The following WNK1 variants were observed in gnomAD, a reference collection of about 807,000 sequenced individuals.
WNK1 encodes the protein serine/threonine-protein kinase WNK1.
In WNK1, 38 loss-of-function variants were observed where a neutral mutation model predicts 222.8. The observed-to-expected ratio is 0.17, with a 90% confidence interval of 0.13 to 0.22. WNK1 has a LOEUF of 0.22. WNK1 is among the 10% of genes least tolerant of loss of function. The probability of loss-of-function intolerance (pLI) is 1.00; values close to 1 mark genes in which losing one functional copy is unlikely to be tolerated. For synonymous variants in WNK1, 1,090 were observed against 1,092.9 expected (o/e 1.00, Z 0.05); for missense variants, 2,348 against 2,918.4 (o/e 0.80, Z 4.50).
intron 8 of WNK1, chr12:868,410 G>A: frequency 6.2e-7 from 1 of 1,613,950 alleles, no homozygotes; most frequent in Non-Finnish European, 8.5e-7. Context: ...CCTACTTCAA[G>A]TTCTGTCTTT....
At chr12:864,109 A>ATTTTTTTTTTTTTTTT (rs1251500483) in intron 8 of WNK1, among the ~76,000 whole-genome samples, 1 of 131,086 alleles carries the variant, frequency 7.6e-6, no homozygotes, top group African/African-American at 3.1e-5. Context: ...CATTTTTTTA[A>ATTTTTTTTTTTTTTTT]GTTTTTTTTT....
chr12:861,011 A>T lies in WNK1; in HGVS notation c.1621-2A>T. ...TGCTTAATTTACCCTTTTATTCTGT[A>T]GGTAGAGTCTGGGTATGTCTGTGAA... On this transcript the variant is annotated splice_acceptor_variant, in intron 6 of 27. Coordinates refer to ENST00000315939, the MANE Select transcript of WNK1 (RefSeq NM_018979.4). LOFTEE classifies it high-confidence loss of function. The T allele has an allele frequency of 6.2e-7, 1 of 1,611,916 alleles. No homozygotes were observed. The highest frequency in any genetic ancestry group is 8.5e-7 in the Non-Finnish European group (1 of 1,179,508).
chr12:756,459 A>G (rs1454354399), intron 1 of WNK1, among the ~76,000 whole-genome samples: 1 of 152,224 alleles, frequency 6.6e-6, no homozygotes, highest in Non-Finnish European at 1.5e-5. Flanking sequence ...TTACCAAACT[A>G]AAGAAAATCT....
At chr12:796,802 C>G (rs1210084643) in intron 1 of WNK1, among the ~76,000 whole-genome samples, 5 of 152,126 alleles carry the variant, frequency 3.3e-5, no homozygotes, top group Non-Finnish European at 7.4e-5. Flanking sequence ...TCATCTGTAC[C>G]AATATATCAA....
At chr12:906,862 C>G (rs1955742207) in intron 26 of WNK1, 2 of 593,948 alleles carry the variant, frequency 3.4e-6, no homozygotes, top group Non-Finnish European at 4.2e-6. Context: ...TATGGAGATT[C>G]TGTCTATATA....
intron 1 of WNK1, among the ~76,000 whole-genome samples, chr12:801,665 C>T (rs1413614802): frequency 6.6e-6 from 1 of 151,750 alleles, no homozygotes; most frequent in Non-Finnish European, 1.5e-5. Context: ...GCCTCGGCCT[C>T]CCAAAGTGCT....
chr12:899,857 G>GT (rs969009205), intron 25 of WNK1, among the ~76,000 whole-genome samples: 53 of 123,280 alleles, frequency 4.3e-4, no homozygotes, highest in Non-Finnish European at 1.5e-4. Context: ...TTCTAATAGG[G>GT]TAAAAAAAAA....
At position 900,705 on chromosome 12, in the gene WNK1, A is replaced by G. The variant is rs767846697; in HGVS notation, c.6643+35A>G. 5.6e-6 allele frequency: 9 copies of G among 1,612,862 alleles called. No individual in the cohort carries two copies. In the East Asian group the frequency reaches 1.8e-4, roughly 32 times the overall value. On this transcript the variant is annotated intron_variant, in intron 26 of 27. Transcript: ENST00000315939. Reference sequence around the variant, plus strand: ...CAACCATCATCGTCCAAAAACAATAAAATGGAGATGTTGCCATACCTGGGA... The same window carrying G: ...CAACCATCATCGTCCAAAAACAATAGAATGGAGATGTTGCCATACCTGGGA...
At chr12:851,496 C>T (rs1325177243) in intron 4 of WNK1, 9 of 1,139,486 alleles carry the variant, frequency 7.9e-6, no homozygotes, top group Non-Finnish European at 9.8e-6. Flanking sequence ...CAGTTTTGTC[C>T]ATCTAGAATA....
chr12:838,206 T>C (rs7957135), intron 4 of WNK1, among the ~76,000 whole-genome samples: 6,369 of 152,172 alleles, frequency 0.042, 348 homozygotes, highest in African/African-American at 0.12. Flanking sequence ...ACGAAGAATA[T>C]TCATGTACAA....
chr12:823,792 C>T (rs1021076437), intron 2 of WNK1, among the ~76,000 whole-genome samples: 1 of 151,956 alleles, frequency 6.6e-6, no homozygotes, highest in Non-Finnish European at 1.5e-5. Context: ...ATTAAGAGCT[C>T]TGCTTATGAG....
At chr12:826,753 G>A (rs1948389779) in intron 2 of WNK1, among the ~76,000 whole-genome samples, 1 of 152,072 alleles carries the variant, frequency 6.6e-6, no homozygotes, top group Non-Finnish European at 1.5e-5. Context: ...AGCTGATATA[G>A]CCAACTTGAT....
intron 2 of WNK1, among the ~76,000 whole-genome samples, chr12:816,366 C>T (rs1947335415): frequency 2.6e-5 from 4 of 152,092 alleles, no homozygotes; most frequent in Admixed American, 2.6e-4. Context: ...AACTCCTGGG[C>T]TCAGGGAATC....
chr12:843,198 A>G lies in WNK1; in HGVS notation c.1311+13038A>G, dbSNP rs1591970097. Among the ~76,000 whole-genome samples the G allele has an allele frequency of 2.0e-5, 3 of 152,258 alleles. 1 individual carries two copies. In the Middle Eastern group the frequency reaches 0.01, roughly 518 times the overall value. On this transcript the variant is annotated intron_variant, in intron 4 of 27. Coordinates refer to ENST00000315939, the MANE Select transcript of WNK1 (RefSeq NM_018979.4). ...GTGATCCACCCACCTTGGCCTCCCA[A>G]AGTGCTGGGATTACAGGTGTGAGCG...
intron 4 of WNK1, among the ~76,000 whole-genome samples, chr12:848,095 G>A (rs931034593): frequency 6.6e-6 from 1 of 152,066 alleles, no homozygotes; most frequent in Non-Finnish European, 1.5e-5. Context: ...GTGAGCCACC[G>A]CGCCTGGCTG....
In WNK1 at chr12:883,528, G is replaced by T. The variant is rs972194980; in HGVS notation, c.3623G>T (p.Ser1208Ile). 79 of 1,614,058 alleles carry T rather than the reference G, an allele frequency of 4.9e-5. No individual in the cohort carries two copies. Among genetic ancestry groups the T allele is most frequent in the Non-Finnish European group, 6.6e-5 (78 of 1,180,028 alleles). ...VEPEGDQGLE[S>I]LQGKDDYGFS... is the part of the protein sequence containing the mutation. ...CCAGAGGGTGATCAGGGATTGGAGA[G>T]TCTACAAGGAAAGGATGACTATGGC... Residue 1208 changes from serine to isoleucine, a missense_variant, in exon 16 of 28, where the codon AGT (serine) becomes ATT (isoleucine). Ser to Ile is a moderately radical substitution (Grantham distance 142). Around this residue, in one of 13 missense-constraint regions of WNK1, gnomAD observed 1,144 missense variants for 1,273.6 expected, o/e 0.90. Transcript: ENST00000315939.
Position 862,164 on chromosome 12 carries a change from G to T in WNK1, c.2033G>T (p.Gly678Val), listed in dbSNP as rs1229011667. Residue 678 changes from glycine (G) to valine (V), a missense_variant, in exon 8 of 28, where the codon GGT becomes GTT. Gly to Val is a moderately radical substitution (Grantham distance 109). This residue lies in a region of WNK1 where 547 missense variants were observed against 558.3 expected (regional missense o/e 0.98). Coordinates refer to ENST00000315939, the MANE Select transcript of WNK1 (RefSeq NM_018979.4). ...RVSSQQTVSY[G>V]SQHEQAHSTG... The stretch of plus-strand genomic sequence containing the variant: ...AGCAGCCAACAGACAGTTTCATATG[G>T]TTCCCAACATGAACAGGCACATTCT... 1 of 1,613,880 alleles carries T rather than the reference G, an allele frequency of 6.2e-7. No individual in the cohort carries two copies. Among genetic ancestry groups the T allele is most frequent in the Non-Finnish European group, 8.5e-7 (1 of 1,179,980 alleles).
intron 1 of WNK1, among the ~76,000 whole-genome samples, chr12:784,346 C>T (rs893232918): frequency 1.3e-5 from 2 of 151,978 alleles, no homozygotes; most frequent in African/African-American, 4.8e-5. Context: ...TGCCAAGTAC[C>T]TCTTGTTAAA....
intron 4 of WNK1, among the ~76,000 whole-genome samples, chr12:836,866 C>T (rs796544099): frequency 6.6e-6 from 1 of 152,110 alleles, no homozygotes; most frequent in Non-Finnish European, 1.5e-5. Context: ...CTCTGCATGG[C>T]ATAACGTGCC....
Sources: gnomAD v4.1 joint callset for allele counts (sites outside exome capture counted in the v4.1 genomes callset) on GRCh38, gnomAD v4.1.1 for gene constraint, gnomAD v4.1.1 regional missense constraint, MANE v1.5 for transcripts, NCBI Gene and HGNC (gene_info 2026-07-23, HGNC 2026-07-21) for gene names.